The following ARFIP1 variants were observed in gnomAD, a reference collection of about 807,000 sequenced individuals.
ARFIP1 encodes the protein ARF interacting protein 1.
In ARFIP1, 24 loss-of-function variants were observed where a neutral mutation model predicts 42.5. The observed-to-expected ratio is 0.57, with a 90% CI of 0.41 to 0.80. The LOEUF is 0.80. ARFIP1 is among the 30% of genes least tolerant of loss of function. The pLI, the probability that ARFIP1 is intolerant of heterozygous loss-of-function variation, is 0.00. For missense variants in ARFIP1, 354 were observed against 434.0 expected, an observed-to-expected ratio of 0.82 and a Z score of 1.64; for synonymous variants, 141 against 153.7, an observed-to-expected ratio of 0.92 and a Z score of 0.61.
chr4:152,785,373 C>T (rs1730739146), intron 1 of ARFIP1, among the ~76,000 whole-genome samples: 1 of 152,138 alleles, frequency 6.6e-6, no homozygotes, highest in Admixed American at 6.6e-5. Flanking sequence ...AGTGCTTTGT[C>T]CAGGGTCACA....
intron 1 of ARFIP1, among the ~76,000 whole-genome samples, chr4:152,823,326 A>G (rs1561123395): frequency 6.6e-6 from 1 of 151,942 alleles, no homozygotes; most frequent in East Asian, 1.9e-4. Context: ...GAATCATACA[A>G]CCCCTCAAGC....
chr4:152,887,573 A>G (rs1338415371), intron 7 of ARFIP1, among the ~76,000 whole-genome samples: 3 of 152,118 alleles, frequency 2.0e-5, no homozygotes. Flanking sequence ...TGCCACAATG[A>G]TTAATATTTT....
Position 152,817,373 on chromosome 4 carries a change from CTT to C in ARFIP1, c.-9-12250_-9-12249del, listed in dbSNP as rs1729985119. 2.0e-5 allele frequency among the ~76,000 whole-genome samples: 3 copies of C among 152,164 alleles called. No individual in the cohort carries two copies. In the South Asian group the frequency reaches 6.2e-4, roughly 32 times the overall value. Reference sequence around the variant, plus strand: ...CCATTAAATGGAGACAGGATAGTCTCTTTAACAAATCATGCTGGAAAAACTGG... The same window carrying C: ...CCATTAAATGGAGACAGGATAGTCTCTAACAAATCATGCTGGAAAAACTGG... On this transcript the variant is annotated intron_variant, in intron 1 of 8. Transcript: ENST00000353617.
intron 2 of ARFIP1, among the ~76,000 whole-genome samples, chr4:152,853,828 C>T (rs1733192250): frequency 1.3e-5 from 2 of 150,872 alleles, no homozygotes; most frequent in South Asian, 4.2e-4. Context: ...GTCATGAATA[C>T]TTTCCTCATT....
intron 2 of ARFIP1, among the ~76,000 whole-genome samples, chr4:152,831,492 AAATGTT>A (rs946716699): frequency 2.0e-5 from 3 of 152,182 alleles, no homozygotes; most frequent in Non-Finnish European, 2.9e-5. Flanking sequence ...CAGAAAGCAC[AAATGTT>A]AAGTGTACCA....
chr4:152,838,758 T>A (rs569888026), intron 2 of ARFIP1, among the ~76,000 whole-genome samples: 15 of 152,312 alleles, frequency 9.8e-5, no homozygotes, highest in African/African-American at 2.9e-4. Context: ...TTTACCAATT[T>A]GGATGTCCTT....
intron 3 of ARFIP1, among the ~76,000 whole-genome samples, chr4:152,870,008 A>G (rs1489653392): frequency 1.3e-5 from 2 of 152,214 alleles, no homozygotes; most frequent in Non-Finnish European, 2.9e-5. Context: ...ATGTTTTAAA[A>G]GCTCCAAAAG....
chr4:152,832,307 A>G (rs899940350), intron 2 of ARFIP1, among the ~76,000 whole-genome samples: 3 of 152,344 alleles, frequency 2.0e-5, no homozygotes, highest in South Asian at 2.1e-4. Flanking sequence ...CATTGTGGTT[A>G]TAAAATGCTG....
intron 8 of ARFIP1, among the ~76,000 whole-genome samples, chr4:152,888,593 AT>A (rs1404268429): frequency 6.6e-6 from 1 of 152,196 alleles, no homozygotes; most frequent in African/African-American, 2.4e-5. Flanking sequence ...TGCTTTAAAA[AT>A]TGAAATAATG....
chr4:152,894,663 A>G (rs1737160617), intron 8 of ARFIP1, among the ~76,000 whole-genome samples: 1 of 152,236 alleles, frequency 6.6e-6, no homozygotes, highest in Non-Finnish European at 1.5e-5. Flanking sequence ...AAGCATAACA[A>G]GCAACCAGGG....
rs967504474 is a variant in ARFIP1, at chr4:152,912,224, T to C, written c.*2005T>C. ...ACCAAAAGAAAAAAGTAAATCAATATATTTAGCCAATGGTACATTTACTTT... is the reference window on the plus strand; with the variant it reads ...ACCAAAAGAAAAAAGTAAATCAATACATTTAGCCAATGGTACATTTACTTT... On this transcript the variant is annotated 3_prime_UTR_variant, in exon 9 of 9. Coordinates refer to ENST00000353617, the MANE Select transcript of ARFIP1 (RefSeq NM_001025595.3). 15 of 152,148 alleles carry C rather than the reference T, an allele frequency of 9.9e-5. No homozygotes were observed. Among genetic ancestry groups the C allele is most frequent in the African/African-American group, 2.4e-4 (10 of 41,434 alleles). 9.4% of individuals were successfully genotyped at this position (152,148 alleles called of 1,614,324 possible). A position where few individuals can be genotyped will look rare whatever the true frequency, so the allele number is the denominator to read the frequency against.
chr4:152,904,652 G>T (rs1738154072), intron 8 of ARFIP1, among the ~76,000 whole-genome samples: 1 of 152,088 alleles, frequency 6.6e-6, no homozygotes, highest in South Asian at 2.1e-4. Context: ...GCAGTGTTTG[G>T]TTTTTTGTTC....
intron 8 of ARFIP1, among the ~76,000 whole-genome samples, chr4:152,888,813 G>A (rs1018778257): frequency 3.3e-5 from 5 of 152,124 alleles, no homozygotes; most frequent in African/African-American, 1.2e-4. Flanking sequence ...CTAAGGACTA[G>A]AGCAACGAGG....
chr4:152,803,767 G>C (rs1463688873), intron 1 of ARFIP1, among the ~76,000 whole-genome samples: 1 of 151,786 alleles, frequency 6.6e-6, no homozygotes, highest in African/African-American at 2.4e-5. Context: ...GGGATTAGCA[G>C]AAGACAGCCC....
intron 2 of ARFIP1, among the ~76,000 whole-genome samples, chr4:152,858,564 C>T (rs975728801): frequency 2.0e-4 from 31 of 152,188 alleles, no homozygotes; most frequent in Middle Eastern, 6.8e-3. Context: ...AAAATAAACC[C>T]GTTATTATTG....
At position 152,910,318 on chromosome 4, in the gene ARFIP1, C is replaced by A; in HGVS notation, c.*99C>A. ...TGGGGGAAGTGGGAGGGGTGACAAG[C>A]ATTATAGTGATTCTTGCACAAACAG... On this transcript the variant is annotated 3_prime_UTR_variant, in exon 9 of 9. Coordinates refer to ENST00000353617, the MANE Select transcript of ARFIP1 (RefSeq NM_001025595.3). 7.5e-7 allele frequency: 1 copy of A among 1,337,996 alleles called. No homozygotes were observed. Among genetic ancestry groups the A allele is most frequent in the East Asian group, 2.4e-5 (1 of 41,000 alleles). The allele number at this position is 1,337,996 out of a possible 1,614,324, so 82.9% of individuals were successfully genotyped here. A position where few individuals can be genotyped will look rare whatever the true frequency, so the allele number is the denominator to read the frequency against.
At chr4:152,837,670 G>A (rs946909475) in intron 2 of ARFIP1, among the ~76,000 whole-genome samples, 1 of 152,130 alleles carries the variant, frequency 6.6e-6, no homozygotes, top group Admixed American at 6.5e-5. Context: ...TGTAGACTCT[G>A]GATATTAGTC....
At chr4:152,818,328 G>T (rs1415341538) in intron 1 of ARFIP1, among the ~76,000 whole-genome samples, 1 of 152,204 alleles carries the variant, frequency 6.6e-6, no homozygotes, top group African/African-American at 2.4e-5. Flanking sequence ...CTCCCACTGG[G>T]GAACCCAGTA....
rs80052307 is a variant in ARFIP1 at position 152,877,460 on chromosome 4, T to C, written c.412-3503T>C. ...ATTTACCCAATACCTGTACCCCCAT[T>C]GTATCTAGGAAGTAACTAGCTTGCT... On this transcript the variant is annotated intron_variant, in intron 5 of 8. Coordinates refer to ENST00000353617, the MANE Select transcript of ARFIP1 (RefSeq NM_001025595.3). 3.7e-3 allele frequency among the ~76,000 whole-genome samples: 566 copies of C among 152,330 alleles called. 26 individuals are homozygous for C. The East Asian group carries it at 0.093, about 25-fold the overall frequency.
Sources: allele counts gnomAD v4.1 joint callset (sites outside exome capture counted in the v4.1 genomes callset), GRCh38; gene constraint gnomAD v4.1.1; transcripts MANE v1.5; gene names NCBI Gene and HGNC (gene_info 2026-07-23, HGNC 2026-07-21).